GPHN: variants seen among roughly 807,000 people sequenced by gnomAD.
The protein encoded by GPHN is gephyrin.
In GPHN, 17 loss-of-function variants were observed where a neutral mutation model predicts 95.5. The observed-to-expected ratio is 0.18, with a 90% CI of 0.12 to 0.27. The LOEUF (loss-of-function observed/expected upper bound fraction) is 0.27, where lower values mean the gene tolerates loss of function less well. Among genes scored for constraint, GPHN ranks in the 10% least tolerant of loss-of-function variants. The pLI is 1.00. For missense variants in GPHN, 660 were observed against 978.1 expected (o/e 0.67, Z 4.34); for synonymous variants, 320 against 322.5 (o/e 0.99, Z 0.08).
the GPHN span, chr14:67,349,181 C>T: frequency 7.4e-7 from 1 of 1,360,072 alleles, no homozygotes; most frequent in Non-Finnish European, 1.0e-6. Context: ...ATAGTTTTAA[C>T]ATTAAATGAG....
At chr14:67,306,428 T>C in the GPHN span, among the ~76,000 whole-genome samples, 1 of 152,112 alleles carries the variant, frequency 6.6e-6, no homozygotes, top group Non-Finnish European at 1.5e-5. Context: ...CACTGTAACC[T>C]CTGCCTCCTG....
chr14:66,962,785 T>G (rs1301851526), intron 8 of GPHN, among the ~76,000 whole-genome samples: 1 of 151,846 alleles, frequency 6.6e-6, no homozygotes, highest in East Asian at 1.9e-4. Context: ...CTTTTTTCCA[T>G]TGCCTTGATA....
chr14:67,327,490 T>A, the GPHN span, among the ~76,000 whole-genome samples: 6 of 151,982 alleles, frequency 3.9e-5, no homozygotes, highest in East Asian at 1.9e-4. Context: ...TTATTTTATT[T>A]TTTTATTTTT....
the GPHN span, among the ~76,000 whole-genome samples, chr14:67,636,662 T>C: frequency 6.6e-6 from 1 of 152,212 alleles, no homozygotes; most frequent in African/African-American, 2.4e-5. Flanking sequence ...TGATAGAGCC[T>C]GGAGAGGTTT....
the GPHN span, chr14:67,727,293 T>G: frequency 3.6e-6 from 3 of 835,856 alleles, no homozygotes; most frequent in Non-Finnish European, 5.9e-6. Flanking sequence ...GTGTCAGTAA[T>G]ATCTCTGTGG....
intron 3 of GPHN, among the ~76,000 whole-genome samples, chr14:66,802,053 A>T (rs953620541): frequency 2.6e-5 from 4 of 152,168 alleles, no homozygotes; most frequent in Admixed American, 6.5e-5. Context: ...CCGTCAGGGC[A>T]GCAAGTTCCC....
the GPHN span, among the ~76,000 whole-genome samples, chr14:67,402,829 G>A: frequency 6.6e-6 from 1 of 152,188 alleles, no homozygotes; most frequent in African/African-American, 2.4e-5. Flanking sequence ...ATGTGTTGGA[G>A]GACACAGGTT....
chr14:66,958,820 T>A (rs1252244612), intron 8 of GPHN, among the ~76,000 whole-genome samples: 1 of 152,194 alleles, frequency 6.6e-6, no homozygotes, highest in East Asian at 1.9e-4. Context: ...TTGAATTGGA[T>A]AGTTTATGTA....
the GPHN span, among the ~76,000 whole-genome samples, chr14:67,708,922 A>G: frequency 2.6e-5 from 4 of 151,634 alleles, no homozygotes; most frequent in Admixed American, 2.6e-4. Context: ...CCTCACGAGT[A>G]GCTGGGACTA....
chr14:67,330,070 A>ATT, the GPHN span, among the ~76,000 whole-genome samples: 4,595 of 150,652 alleles, frequency 0.031, 89 homozygotes, highest in Non-Finnish European at 0.036. Flanking sequence ...AAGAGAGAAT[A>ATT]TATGCCAGAC....
At chr14:67,615,660 A>G in the GPHN span, 1 of 531,668 alleles carries the variant, frequency 1.9e-6, no homozygotes, top group Admixed American at 2.2e-5. Context: ...AGAAAGGACA[A>G]TTTGAAGCTA....
intron 3 of GPHN, among the ~76,000 whole-genome samples, chr14:66,816,506 C>G (rs1000284972): frequency 6.6e-6 from 1 of 152,100 alleles, no homozygotes; most frequent in Admixed American, 6.5e-5. Flanking sequence ...AATTTACTCA[C>G]AACTCTACAA....
At chr14:67,504,652 C>T in the GPHN span, among the ~76,000 whole-genome samples, 4 of 152,150 alleles carry the variant, frequency 2.6e-5, no homozygotes, top group Admixed American at 6.6e-5. Flanking sequence ...TTTGGGAGGC[C>T]GAGGTGGGTG....
chr14:67,322,621 T>C, the GPHN span, among the ~76,000 whole-genome samples: 1 of 152,222 alleles, frequency 6.6e-6, no homozygotes, highest in East Asian at 1.9e-4. Context: ...ACTTAGGCTC[T>C]ACTATTTCAA....
intron 19 of GPHN, among the ~76,000 whole-genome samples, chr14:67,160,192 G>A (rs2081891851): frequency 6.6e-6 from 1 of 152,100 alleles, no homozygotes; most frequent in South Asian, 2.1e-4. Flanking sequence ...TGTTGTTGTT[G>A]TGCCATTGAC....
At chr14:67,054,725 A>G (rs1200931778) in intron 10 of GPHN, among the ~76,000 whole-genome samples, 1 of 152,214 alleles carries the variant, frequency 6.6e-6, no homozygotes, top group Non-Finnish European at 1.5e-5. Context: ...AGTAACCAAA[A>G]TAGATGGTAG....
chr14:67,684,925 T>G, the GPHN span: 1 of 1,016,224 alleles, frequency 9.8e-7, no homozygotes, highest in Non-Finnish European at 1.4e-6. Context: ...TATGAGACAA[T>G]GTACTTTTAA....
At chr14:67,428,907 T>A in the GPHN span, among the ~76,000 whole-genome samples, 1 of 152,214 alleles carries the variant, frequency 6.6e-6, no homozygotes, top group African/African-American at 2.4e-5. Flanking sequence ...GCCTCTCTTA[T>A]CACGCTCTGT....
the GPHN span, among the ~76,000 whole-genome samples, chr14:67,400,173 T>G: frequency 6.6e-6 from 1 of 152,222 alleles, no homozygotes; most frequent in Non-Finnish European, 1.5e-5. Flanking sequence ...TTGTGAACAC[T>G]GACTTGAGCC....
Sources: gnomAD v4.1 joint callset for allele counts (sites outside exome capture counted in the v4.1 genomes callset) on GRCh38, gnomAD v4.1.1 for gene constraint, MANE v1.5 for transcripts, NCBI Gene and HGNC (gene_info 2026-07-23, HGNC 2026-07-21) for gene names.